ALKBH8: variants seen among roughly 807,000 people sequenced by gnomAD.
ALKBH8 encodes tRNA (carboxymethyluridine(34)-5-O)-methyltransferase ALKBH8.
Under a neutral mutation model 59.8 loss-of-function variants are expected in ALKBH8, and 36 were observed. The observed-to-expected ratio is 0.60, with a 90% CI of 0.46 to 0.79. The LOEUF is 0.79. ALKBH8 is among the 30% of genes least tolerant of loss of function. The probability of loss-of-function intolerance (pLI) is 0.00; values close to 1 mark genes in which losing one functional copy is unlikely to be tolerated. For synonymous variants in ALKBH8, 276 were observed against 273.6 expected, an observed-to-expected ratio of 1.01 and a Z score of -0.09; for missense variants, 768 against 801.0, an observed-to-expected ratio of 0.96 and a Z score of 0.50.
chr11:107,552,319 T>C (rs1271446163), intron 5 of ALKBH8, among the ~76,000 whole-genome samples: 1 of 152,018 alleles, frequency 6.6e-6, no homozygotes, highest in Non-Finnish European at 1.5e-5. Flanking sequence ...CTTACTTTTA[T>C]TGGAGTCATA....
rs774361950 is a variant in ALKBH8 at position 107,510,961 on chromosome 11, A to G, written c.1363T>C (p.Leu455=). Residue 455 remains leucine, a synonymous_variant, in exon 11 of 12, where the codon TTG becomes CTG. Coordinates refer to ENST00000428149, the MANE Select transcript of ALKBH8 (RefSeq NM_138775.3). ...GACCCACTGCGGACTGGTACTGCCA[A>G]TGCATCACAGACAAAAGCCTGAAAT... ...RQFQAFVCDA[L]AVPVRSGSCD... 3 of 1,551,906 alleles carry G rather than the reference A, an allele frequency of 1.9e-6. No homozygotes were observed. The South Asian group carries it at 3.6e-5, about 18-fold the overall frequency.
intron 7 of ALKBH8, among the ~76,000 whole-genome samples, chr11:107,536,552 A>C (rs1267846023): frequency 1.3e-5 from 2 of 151,966 alleles, no homozygotes; most frequent in African/African-American, 4.8e-5. Context: ...GGAAGCACCA[A>C]CTCCCCCCAG....
At chr11:107,534,145 A>C (rs1043947538) in intron 7 of ALKBH8, among the ~76,000 whole-genome samples, 1 of 152,156 alleles carries the variant, frequency 6.6e-6, no homozygotes, top group African/African-American at 2.4e-5. Flanking sequence ...AAAATAAATA[A>C]ATAAATAAAT....
rs1863318943 is a variant in ALKBH8 at position 107,525,597 on chromosome 11, AAAC to A, written c.879-8_879-6del. On this transcript the variant is annotated splice_region_variant and splice_polypyrimidine_tract_variant and intron_variant, in intron 8 of 11. Coordinates refer to ENST00000428149, the MANE Select transcript of ALKBH8 (RefSeq NM_138775.3). ...TCAAATTTTCTGCACGTGATTCTAA[AAAC>A]AATAGTCAAAAAAATTTACTTAACA... 7.3e-7 allele frequency: 1 copy of A among 1,365,440 alleles called. No individual in the cohort carries two copies. The highest frequency in any genetic ancestry group is 1.5e-5 in the African/African-American group (1 of 65,644). 84.6% of individuals were successfully genotyped at this position (1,365,440 alleles called of 1,614,324 possible).
intron 5 of ALKBH8, 73 bp downstream of exon 5, chr11:107,553,035 C>A: frequency 1.1e-5 from 9 of 855,098 alleles, no homozygotes; most frequent in South Asian, 4.3e-5. Context: ...AAACATAATC[C>A]CCCAACTATC....
At chr11:107,534,953 T>C (rs192520672) in intron 7 of ALKBH8, among the ~76,000 whole-genome samples, 2 of 152,340 alleles carry the variant, frequency 1.3e-5, no homozygotes, top group African/African-American at 4.8e-5. Flanking sequence ...ATCATTCTTA[T>C]GCCTTTGCAT....
rs377093838 is a variant in ALKBH8, at chr11:107,556,758, G to C, written c.367+8C>G. 26 of 1,329,184 alleles carry C rather than the reference G, an allele frequency of 2.0e-5. No homozygotes were observed. Among genetic ancestry groups the C allele is most frequent in the Non-Finnish European group, 2.5e-5 (26 of 1,025,910 alleles). The allele number at this position is 1,329,184 out of a possible 1,614,324, so 82.3% of individuals were successfully genotyped here. Reference sequence around the variant, plus strand: ...ATCATTTTTTAAAAGATAATTGTATGATAATACCTTTTTCCACAAAATTCA... The same window carrying C: ...ATCATTTTTTAAAAGATAATTGTATCATAATACCTTTTTCCACAAAATTCA... On this transcript the variant is annotated splice_region_variant and intron_variant, in intron 3 of 11. Transcript: ENST00000428149.
chr11:107,503,527 T>C lies in ALKBH8; in HGVS notation c.*1131A>G, dbSNP rs951755310. ...AAAAAAGCCTTTTCCTTCTATGTGA[T>C]AATTTGACCTATGGTTGAATTTCTA... On this transcript the variant is annotated 3_prime_UTR_variant, in exon 12 of 12. Coordinates refer to ENST00000428149, the MANE Select transcript of ALKBH8 (RefSeq NM_138775.3). The C allele has an allele frequency of 1.3e-5, 2 of 152,220 alleles. No homozygotes were observed. The highest frequency in any genetic ancestry group is 4.8e-5 in the African/African-American group (2 of 41,460). 9.4% of individuals were successfully genotyped at this position (152,220 alleles called of 1,614,324 possible).
Position 107,505,164 on chromosome 11 carries a change from C to G in ALKBH8, c.1489G>C (p.Gly497Arg), listed in dbSNP as rs1341305332. The G allele has an allele frequency of 6.4e-7, 1 of 1,550,740 alleles. No individual in the cohort carries two copies. Among genetic ancestry groups the G allele is most frequent in the Admixed American group, 2.0e-5 (1 of 50,950 alleles). ...GCCCAGACATAAATGAGTGCCTTCC[C>G]ACCTGGTCTCAGGAGTCGAACAATT... ...QEIVRLLRPG[G>R]KALIYVWAME... Residue 497 changes from glycine to arginine, a missense_variant, in exon 12 of 12, where the codon GGG becomes CGG. Physicochemically the swap from Gly to Arg is moderately radical, Grantham distance 125. Coordinates refer to ENST00000428149, the MANE Select transcript of ALKBH8 (RefSeq NM_138775.3).
intron 8 of ALKBH8, among the ~76,000 whole-genome samples, chr11:107,531,502 A>T (rs77530327): frequency 0.023 from 3,433 of 152,356 alleles, 141 homozygotes; most frequent in African/African-American, 0.078. Context: ...AACTCTTTCA[A>T]ATAAAAGACT....
chr11:107,507,284 C>A, intron 11 of ALKBH8, among the ~76,000 whole-genome samples: 1 of 152,062 alleles, frequency 6.6e-6, no homozygotes, highest in Non-Finnish European at 1.5e-5. Flanking sequence ...GTATTGTACA[C>A]CCAAGTAGCC....
intron 2 of ALKBH8, 102 bp downstream of exon 2, chr11:107,560,663 A>C: frequency 8.7e-7 from 1 of 1,154,292 alleles, no homozygotes; most frequent in Non-Finnish European, 1.2e-6. Flanking sequence ...GTAACACATG[A>C]CTGAACAATT....
chr11:107,523,551 A>T (rs1399711299), intron 9 of ALKBH8, among the ~76,000 whole-genome samples: 1 of 151,854 alleles, frequency 6.6e-6, no homozygotes, highest in East Asian at 1.9e-4. Context: ...ACATGTGACT[A>T]TAGTTAATAA....
intron 9 of ALKBH8, among the ~76,000 whole-genome samples, chr11:107,524,921 G>A (rs1027394957): frequency 2.0e-5 from 3 of 152,092 alleles, no homozygotes; most frequent in Non-Finnish European, 4.4e-5. Context: ...TTGTACAGAC[G>A]ATTCAAAATA....
intron 7 of ALKBH8, among the ~76,000 whole-genome samples, chr11:107,546,387 C>T (rs901411198): frequency 3.9e-5 from 6 of 152,118 alleles, no homozygotes; most frequent in African/African-American, 7.2e-5. Context: ...CTGCAATTTA[C>T]GGCAGGACAA....
chr11:107,557,996 A>G (rs1864785562), intron 2 of ALKBH8, among the ~76,000 whole-genome samples: 1 of 152,172 alleles, frequency 6.6e-6, no homozygotes, highest in Admixed American at 6.5e-5. Context: ...TTCTGAGAAG[A>G]GGTAGATAGT....
At chr11:107,558,496 A>G (rs1026359830) in intron 2 of ALKBH8, among the ~76,000 whole-genome samples, 15 of 152,292 alleles carry the variant, frequency 9.8e-5, no homozygotes, top group African/African-American at 3.6e-4. Flanking sequence ...TCTATGGAAG[A>G]GCAAAGGTTT....
chr11:107,561,070 T>G (rs996922702), intron 1 of ALKBH8, among the ~76,000 whole-genome samples, 171 bp from the exon 2 acceptor site: 10 of 152,144 alleles, frequency 6.6e-5, no homozygotes, highest in Admixed American at 5.2e-4. Context: ...AAATAAAAAA[T>G]GAACAAATAT....
intron 10 of ALKBH8, among the ~76,000 whole-genome samples, chr11:107,518,818 G>A (rs1565318570): frequency 6.6e-6 from 1 of 151,636 alleles, no homozygotes; most frequent in Non-Finnish European, 1.5e-5. Flanking sequence ...GTAAATCTCT[G>A]GGGCTCTCAG....
Sources: allele counts gnomAD v4.1 joint callset (sites outside exome capture counted in the v4.1 genomes callset), GRCh38; gene constraint gnomAD v4.1.1; transcripts MANE v1.5; gene names NCBI Gene and HGNC (gene_info 2026-07-23, HGNC 2026-07-21).